SEMA3E: variants seen among roughly 807,000 people sequenced by gnomAD.
The protein encoded by SEMA3E is semaphorin-3E.
Under a neutral mutation model 93.6 loss-of-function variants are expected in SEMA3E, and 49 were observed. That is an observed-to-expected ratio of 0.52 (90% CI 0.42 to 0.66). SEMA3E has a LOEUF of 0.66. SEMA3E is among the 30% of genes least tolerant of loss of function. The pLI is 0.00. For missense variants in SEMA3E, 906 were observed against 964.8 expected, an observed-to-expected ratio of 0.94 and a Z score of 0.81; for synonymous variants, 363 against 330.7, an observed-to-expected ratio of 1.10 and a Z score of -1.06.
chr7:83,400,967 T>C (rs1314104001), intron 10 of SEMA3E, among the ~76,000 whole-genome samples: 1 of 152,086 alleles, frequency 6.6e-6, no homozygotes, highest in Admixed American at 6.6e-5. Flanking sequence ...ATGGTTCTGA[T>C]TGGCTCACTG....
At chr7:83,633,032 C>CT (rs1199681291) in intron 1 of SEMA3E, among the ~76,000 whole-genome samples, 1 of 152,000 alleles carries the variant, frequency 6.6e-6, no homozygotes, top group Non-Finnish European at 1.5e-5. Context: ...AAACTATAGT[C>CT]TTTTTTTAAT....
At chr7:83,494,784 C>A (rs776883849) in intron 1 of SEMA3E, among the ~76,000 whole-genome samples, 1 of 151,922 alleles carries the variant, frequency 6.6e-6, no homozygotes, top group East Asian at 1.9e-4. Flanking sequence ...AAATTTCCAG[C>A]TCCCACATCA....
chr7:83,568,751 C>T (rs2115860124), intron 1 of SEMA3E, among the ~76,000 whole-genome samples: 1 of 152,170 alleles, frequency 6.6e-6, no homozygotes, highest in East Asian at 1.9e-4. Flanking sequence ...CATGACAAAT[C>T]CACAGCTAAT....
chr7:83,410,905 C>T (rs1370724967), intron 5 of SEMA3E, among the ~76,000 whole-genome samples: 1 of 151,996 alleles, frequency 6.6e-6, no homozygotes, highest in African/African-American at 2.4e-5. Context: ...ATTTATTTCG[C>T]TACTGTGGGC....
chr7:83,530,346 A>G (rs1791263033), intron 1 of SEMA3E, among the ~76,000 whole-genome samples: 1 of 152,220 alleles, frequency 6.6e-6, no homozygotes, highest in African/African-American at 2.4e-5. Context: ...GCCTAAAAAT[A>G]TGTCTTCAGA....
intron 1 of SEMA3E, among the ~76,000 whole-genome samples, chr7:83,607,956 C>A (rs1202494608): frequency 6.6e-6 from 1 of 152,112 alleles, no homozygotes; most frequent in Non-Finnish European, 1.5e-5. Context: ...GTGGCTCCCA[C>A]CTATAATCCT....
intron 1 of SEMA3E, among the ~76,000 whole-genome samples, chr7:83,553,801 A>G (rs1341245624): frequency 1.3e-5 from 2 of 152,158 alleles, no homozygotes; most frequent in Admixed American, 6.5e-5. Context: ...AAATAAAAAA[A>G]TCTTCAGTGA....
chr7:83,511,013 A>G (rs115262699), intron 1 of SEMA3E, among the ~76,000 whole-genome samples: 184 of 152,320 alleles, frequency 1.2e-3, no homozygotes, highest in African/African-American at 4.3e-3. Flanking sequence ...CAGATTTATT[A>G]TAATTAAAAG....
intron 1 of SEMA3E, among the ~76,000 whole-genome samples, chr7:83,611,969 CCACT>C (rs1793275661): frequency 6.6e-6 from 1 of 152,074 alleles, no homozygotes; most frequent in African/African-American, 2.4e-5. Flanking sequence ...CTTTCATCTC[CCACT>C]GTCCTCCCTG....
In SEMA3E at chr7:83,473,817, G is replaced by A. The variant is rs147739367; in HGVS notation, c.277-4515C>T. ...TTCAAGATTCAGCTTTTTTAGGACA[G>A]GTGAGGTGGCTCATGCCTGTAATCC... On this transcript the variant is annotated intron_variant, in intron 2 of 16. Coordinates refer to ENST00000643230, the MANE Select transcript of SEMA3E (RefSeq NM_012431.3). 2.7e-3 allele frequency among the ~76,000 whole-genome samples: 418 copies of A among 152,168 alleles called. 3 individuals carry two copies. The highest frequency in any genetic ancestry group is 9.3e-3 in the African/African-American group (388 of 41,524).
chr7:83,542,339 CAAAAT>C (rs1435354280), intron 1 of SEMA3E, among the ~76,000 whole-genome samples: 31 of 151,656 alleles, frequency 2.0e-4, no homozygotes, highest in Admixed American at 2.0e-3. Flanking sequence ...GACTCTGTCT[CAAAAT>C]AATAATAATA....
chr7:83,542,969 AG>A (rs1227424554), intron 1 of SEMA3E, among the ~76,000 whole-genome samples: 1 of 150,176 alleles, frequency 6.7e-6, no homozygotes, highest in Non-Finnish European at 1.5e-5. Flanking sequence ...AGTCCACAAA[AG>A]TGTGATGCTT....
At chr7:83,440,055 G>C (rs1789081581) in intron 4 of SEMA3E, among the ~76,000 whole-genome samples, 1 of 152,180 alleles carries the variant, frequency 6.6e-6, no homozygotes, top group South Asian at 2.1e-4. Flanking sequence ...TTTCTGCAGA[G>C]CACTTTACAA....
chr7:83,372,032 T>G (rs2116897852), intron 16 of SEMA3E: 1 of 371,592 alleles, frequency 2.7e-6, no homozygotes, highest in East Asian at 3.8e-5. Context: ...CCTATTTCTT[T>G]ATTCTTCTGA....
rs546762972 is a variant in SEMA3E at position 83,408,965 on chromosome 7, A to C, written c.551-478T>G. ...CTTCTTGTAACAAGATACTGCTATC[A>C]TGAATATGATTTTAGTGTGGGAACA... On this transcript the variant is annotated intron_variant, in intron 5 of 16. Coordinates refer to ENST00000643230, the MANE Select transcript of SEMA3E (RefSeq NM_012431.3). Among the ~76,000 whole-genome samples, 6 of 152,320 alleles carry C rather than the reference A, an allele frequency of 3.9e-5. No homozygotes were observed. The South Asian group carries it at 6.2e-4, about 16-fold the overall frequency.
intron 1 of SEMA3E, among the ~76,000 whole-genome samples, chr7:83,630,659 G>A (rs1317663771): frequency 1.3e-5 from 2 of 152,124 alleles, no homozygotes; most frequent in African/African-American, 4.8e-5. Flanking sequence ...ATGGATAGGT[G>A]CATATGATCA....
intron 2 of SEMA3E, among the ~76,000 whole-genome samples, chr7:83,483,072 T>C (rs1562801811): frequency 6.6e-6 from 1 of 151,122 alleles, no homozygotes; most frequent in Non-Finnish European, 1.5e-5. Context: ...AGGAGTTAAC[T>C]GGGGCCTGAA....
chr7:83,421,229 T>C (rs1039201333), intron 4 of SEMA3E, among the ~76,000 whole-genome samples: 5 of 142,688 alleles, frequency 3.5e-5, no homozygotes, highest in African/African-American at 1.3e-4. Context: ...AAACATTCAA[T>C]GTTTAATAAC....
intron 13 of SEMA3E, among the ~76,000 whole-genome samples, chr7:83,393,399 G>C (rs774284039): frequency 7.2e-5 from 11 of 152,038 alleles, no homozygotes; most frequent in Non-Finnish European, 1.6e-4. Flanking sequence ...CTGGTAATAT[G>C]TGCCTGTGGT....
Sources: allele counts gnomAD v4.1 joint callset (sites outside exome capture counted in the v4.1 genomes callset), GRCh38; gene constraint gnomAD v4.1.1; transcripts MANE v1.5; gene names NCBI Gene and HGNC (gene_info 2026-07-23, HGNC 2026-07-21).